The following ZNF729 variants were observed in gnomAD, a reference collection of about 807,000 sequenced individuals.
The protein encoded by ZNF729 is zinc finger protein 729.
ZNF729 carries 15 observed loss-of-function variants against 12.2 expected under a neutral mutation model. The ratio of observed to expected loss-of-function variants is 1.23; its 90% CI spans 0.82 to 1.89. ZNF729 has a LOEUF of 1.89. ZNF729 is among the 40% of genes most tolerant of loss of function. The pLI is 0.00. For missense variants in ZNF729, 1,540 were observed against 1,456.7 expected (o/e 1.06, Z -0.93); for synonymous variants, 492 against 476.3 (o/e 1.03, Z -0.43).
intron 1 of ZNF729, among the ~76,000 whole-genome samples, chr19:22,290,593 A>G (rs1379362051): frequency 1.3e-5 from 2 of 152,234 alleles, no homozygotes; most frequent in Non-Finnish European, 2.9e-5. Context: ...TGAAGTCATC[A>G]TGTTCTTAGG....
At chr19:22,300,957 T>C in intron 1 of ZNF729, among the ~76,000 whole-genome samples, 1 of 152,222 alleles carries the variant, frequency 6.6e-6, no homozygotes, top group Admixed American at 6.5e-5. Flanking sequence ...AGAAAAACTT[T>C]CTTTCTGAGA....
At position 22,314,639 on chromosome 19, in the gene ZNF729, G is replaced by C. The variant is rs1174574277; in HGVS notation, c.1222G>C (p.Glu408Gln). Residue 408 changes from glutamate to glutamine, a missense_variant, in exon 4 of 4, where the codon GAA (glutamate) becomes CAA (glutamine). By Grantham distance (29) the Glu-to-Gln change is conservative. Coordinates refer to ENST00000601693, the MANE Select transcript of ZNF729 (RefSeq NM_001242680.2). ...HTGEKPYKCE[E>Q]CGKAFSQFST... ...TGGAGAGAAACCCTACAAATGTGAA[G>C]AATGTGGCAAAGCTTTTAGCCAGTT... The C allele has an allele frequency of 1.9e-6, 3 of 1,612,396 alleles. No individual in the cohort carries two copies. Among genetic ancestry groups the C allele is most frequent in the Non-Finnish European group, 2.5e-6 (3 of 1,179,890 alleles).
chr19:22,297,429 A>G (rs184003424), intron 1 of ZNF729, among the ~76,000 whole-genome samples: 2 of 152,020 alleles, frequency 1.3e-5, no homozygotes, highest in Admixed American at 1.3e-4. Flanking sequence ...AGGAGAAAAT[A>G]CAAATTAGAA....
rs111791096 is a variant in ZNF729, at chr19:22,304,019, A to G, written c.157+135A>G. ...CCCTGTTTTCTGGAAACAGGGATTTATAAGTGTAGAAAGGAATTTTTTTTT... is the reference window on the plus strand; with the variant it reads ...CCCTGTTTTCTGGAAACAGGGATTTGTAAGTGTAGAAAGGAATTTTTTTTT... On this transcript the variant is annotated intron_variant, in intron 2 of 3. Transcript: ENST00000601693. 562 of 785,754 alleles carry G rather than the reference A, an allele frequency of 7.2e-4. 4 individuals carry two copies. The African/African-American group carries it at 1.0e-2, about 14-fold the overall frequency. The allele number at this position is 785,754 out of a possible 1,614,324, so 48.7% of individuals were successfully genotyped here. A position where few individuals can be genotyped will look rare whatever the true frequency, so the allele number is the denominator to read the frequency against.
chr19:22,288,369 A>G (rs1968109242), intron 1 of ZNF729, among the ~76,000 whole-genome samples: 1 of 147,378 alleles, frequency 6.8e-6, no homozygotes, highest in Non-Finnish European at 1.5e-5. Context: ...TTTCGGGGGT[A>G]AATGTTTTCC....
intron 1 of ZNF729, among the ~76,000 whole-genome samples, chr19:22,297,303 A>G (rs192113760): frequency 9.5e-5 from 14 of 147,708 alleles, no homozygotes; most frequent in Admixed American, 9.5e-4. Flanking sequence ...TTTTTTTCCC[A>G]TAAGCATATT....
chr19:22,293,644 C>T (rs1342936037), intron 1 of ZNF729, among the ~76,000 whole-genome samples: 1 of 151,636 alleles, frequency 6.6e-6, no homozygotes, highest in Non-Finnish European at 1.5e-5. Context: ...AGGTGTCCAC[C>T]ACCACACGTG....
intron 1 of ZNF729, among the ~76,000 whole-genome samples, chr19:22,302,591 T>A (rs145979635): frequency 1.5e-3 from 184 of 125,976 alleles, no homozygotes; most frequent in African/African-American, 5.3e-3. Flanking sequence ...AAAAAATATT[T>A]AAATTACACA....
Position 22,316,718 on chromosome 19 carries a change from A to T in ZNF729, c.3301A>T (p.Lys1101Ter). The T allele has an allele frequency of 1.2e-6, 2 of 1,611,422 alleles. No individual in the cohort carries two copies. The highest frequency in any genetic ancestry group is 4.5e-5 in the East Asian group (2 of 44,668). The change falls in exon 4 of 4, where the codon AAG (lysine) becomes TAG (stop). Residue 1101 changes from lysine to a stop codon, truncating the protein, a stop_gained. Coordinates refer to ENST00000601693, the MANE Select transcript of ZNF729 (RefSeq NM_001242680.2). LOFTEE classifies it low-confidence loss of function (END_TRUNC). The part of the protein sequence containing the change: ...LRKHKVIHTG[K>*]KPYQCDECGK... ...AAAACATAAGGTAATTCATACTGGA[A>T]AGAAACCCTACCAATGTGACGAATG...
At chr19:22,311,352 C>T (rs558164758) in intron 3 of ZNF729, among the ~76,000 whole-genome samples, 12 of 152,030 alleles carry the variant, frequency 7.9e-5, no homozygotes, top group African/African-American at 2.9e-4. Flanking sequence ...CTCTTAGCAC[C>T]GCCTTTGCTG....
chr19:22,305,777 G>A (rs936757539), intron 3 of ZNF729, among the ~76,000 whole-genome samples: 1 of 152,054 alleles, frequency 6.6e-6, no homozygotes, highest in African/African-American at 2.4e-5. Context: ...AAGCCACTCA[G>A]TCATCTTCTT....
Position 22,314,813 on chromosome 19 carries a change from G to A in ZNF729, c.1396G>A (p.Gly466Ser), listed in dbSNP as rs1568577530. ...GEKPYKCEEC[G>S]KAFRQSSHLT... The stretch of plus-strand genomic sequence containing the variant: ...GAAACCATACAAATGTGAAGAATGT[G>A]GCAAAGCTTTTAGGCAATCCTCACA... The change falls in exon 4 of 4, where the codon GGC (glycine) becomes AGC (serine). Residue 466 changes from glycine to serine, a missense_variant. Transcript: ENST00000601693. The A allele has an allele frequency of 6.2e-7, 1 of 1,613,620 alleles. No homozygotes were observed. Among genetic ancestry groups the A allele is most frequent in the East Asian group, 2.2e-5 (1 of 44,836 alleles).
intron 1 of ZNF729, among the ~76,000 whole-genome samples, chr19:22,295,902 A>C (rs1016024924): frequency 1.3e-5 from 2 of 152,102 alleles, no homozygotes; most frequent in African/African-American, 4.8e-5. Flanking sequence ...TTTTATCTTT[A>C]ATTCTCTTTA....
intron 1 of ZNF729, among the ~76,000 whole-genome samples, chr19:22,297,357 A>T (rs984505413): frequency 6.6e-6 from 1 of 150,546 alleles, no homozygotes; most frequent in Non-Finnish European, 1.5e-5. Context: ...TTAGATTTTG[A>T]GTGTCTGCTG....
At chr19:22,293,427 C>G (rs1203961169) in intron 1 of ZNF729, among the ~76,000 whole-genome samples, 3 of 150,962 alleles carry the variant, frequency 2.0e-5, no homozygotes, top group African/African-American at 7.3e-5. Flanking sequence ...CTCAAGTGCT[C>G]TTTCCTCCTT....
chr19:22,291,373 G>T (rs1254540396), intron 1 of ZNF729, among the ~76,000 whole-genome samples: 2 of 152,026 alleles, frequency 1.3e-5, no homozygotes, highest in Non-Finnish European at 2.9e-5. Context: ...GCCACCACAG[G>T]ATTCCCACCT....
At chr19:22,286,599 A>T (rs769569616) in intron 1 of ZNF729, 44 bp downstream of exon 1, 75 of 1,612,486 alleles carry the variant, frequency 4.7e-5, no homozygotes, top group Non-Finnish European at 5.6e-5. Context: ...GAAGGGGCTG[A>T]TTGGAACCGG....
At chr19:22,303,953 G>A (rs1968347962) in intron 2 of ZNF729, 69 bp downstream of exon 2, 3 of 1,417,598 alleles carry the variant, frequency 2.1e-6, no homozygotes, top group Admixed American at 2.2e-5. Flanking sequence ...TCTGTAGAAT[G>A]TGTTTTGGTG....
intron 1 of ZNF729, among the ~76,000 whole-genome samples, chr19:22,290,847 A>G (rs1267835975): frequency 6.6e-6 from 1 of 152,166 alleles, no homozygotes; most frequent in East Asian, 1.9e-4. Context: ...TGGGAAGGGT[A>G]TTTCTTTCTG....
Sources: allele counts gnomAD v4.1 joint callset (sites outside exome capture counted in the v4.1 genomes callset), GRCh38; gene constraint gnomAD v4.1.1; transcripts MANE v1.5; gene names NCBI Gene and HGNC (gene_info 2026-07-23, HGNC 2026-07-21).